SPOCK1: variants seen among roughly 807,000 people sequenced by gnomAD.
SPOCK1 encodes SPARC (osteonectin), cwcv and kazal like domains proteoglycan 1.
Under a neutral mutation model 55.3 loss-of-function variants are expected in SPOCK1, and 23 were observed. The observed-to-expected ratio is 0.42, with a 90% CI of 0.30 to 0.59. SPOCK1 has a LOEUF of 0.59. Among genes scored for constraint, SPOCK1 ranks in the 20% least tolerant of loss-of-function variants. SPOCK1 has a pLI of 0.22. For synonymous variants in SPOCK1, 226 were observed against 221.0 expected (o/e 1.02, Z -0.20); for missense variants, 499 against 552.5 (o/e 0.90, Z 0.97).
chr5:137,175,546 A>G (rs1263034200), intron 3 of SPOCK1, among the ~76,000 whole-genome samples: 1 of 152,230 alleles, frequency 6.6e-6, no homozygotes, highest in Admixed American at 6.5e-5. Flanking sequence ...TTGTCAGTCA[A>G]TATAGCTTAC....
chr5:137,444,709 C>G (rs183574523), intron 2 of SPOCK1, among the ~76,000 whole-genome samples: 3 of 152,310 alleles, frequency 2.0e-5, no homozygotes, highest in Admixed American at 2.0e-4. Context: ...TGGGGACCTG[C>G]GGAGAATCTA....
intron 2 of SPOCK1, among the ~76,000 whole-genome samples, chr5:137,491,437 G>T (rs192137447): frequency 7.3e-4 from 111 of 152,258 alleles, no homozygotes; most frequent in Non-Finnish European, 1.4e-3. Flanking sequence ...ACAGCCCTCT[G>T]CAGTGAACCC....
chr5:137,118,724 C>A (rs759181494), intron 4 of SPOCK1, among the ~76,000 whole-genome samples: 4 of 152,172 alleles, frequency 2.6e-5, no homozygotes, highest in Non-Finnish European at 5.9e-5. Flanking sequence ...GGGAAAGTAG[C>A]TGCTAAAAAC....
At position 137,360,751 on chromosome 5, in the gene SPOCK1, G is replaced by T. The variant is rs75357678; in HGVS notation, c.187-93696C>A. Among the ~76,000 whole-genome samples the T allele has an allele frequency of 5.1e-3, 782 of 152,294 alleles. 6 individuals carry two copies. The highest frequency in any genetic ancestry group is 0.018 in the African/African-American group (740 of 41,552). On this transcript the variant is annotated intron_variant, in intron 2 of 10. Coordinates refer to ENST00000394945, the MANE Select transcript of SPOCK1 (RefSeq NM_004598.4). The stretch of plus-strand genomic sequence containing the variant: ...TCAGAAGACTGTCTACCATCCCAAA[G>T]AAAGCTGGTAGATCAGGGTTTCTCA...
At chr5:137,147,718 G>C (rs1754225357) in intron 3 of SPOCK1, among the ~76,000 whole-genome samples, 1 of 152,168 alleles carries the variant, frequency 6.6e-6, no homozygotes. Flanking sequence ...GACATCCTAG[G>C]AATTGGAGCT....
At chr5:137,232,423 G>C (rs534799234) in intron 3 of SPOCK1, among the ~76,000 whole-genome samples, 11 of 152,148 alleles carry the variant, frequency 7.2e-5, no homozygotes, top group Non-Finnish European at 1.2e-4. Flanking sequence ...AGCTGCTCCC[G>C]CATCACTTAT....
chr5:137,018,340 C>G (rs1751491458), intron 6 of SPOCK1, among the ~76,000 whole-genome samples: 1 of 152,190 alleles, frequency 6.6e-6, no homozygotes, highest in Non-Finnish European at 1.5e-5. Flanking sequence ...GTCTAAACCT[C>G]AGGACTCTGG....
chr5:137,096,098 G>A (rs1753140672), intron 5 of SPOCK1, among the ~76,000 whole-genome samples: 1 of 152,136 alleles, frequency 6.6e-6, no homozygotes, highest in Non-Finnish European at 1.5e-5. Context: ...TTGTTTGTAG[G>A]ATATGATAAT....
At chr5:137,143,024 C>A (rs1370199527) in intron 3 of SPOCK1, among the ~76,000 whole-genome samples, 1 of 152,214 alleles carries the variant, frequency 6.6e-6, no homozygotes, top group African/African-American at 2.4e-5. Flanking sequence ...GCTTGAACAG[C>A]TTAGCAGGAC....
intron 4 of SPOCK1, among the ~76,000 whole-genome samples, chr5:137,121,492 TCA>T: frequency 6.6e-6 from 1 of 151,310 alleles, no homozygotes; most frequent in South Asian, 2.1e-4. Flanking sequence ...CTCTGGTGAT[TCA>T]CACACTTTGG....
intron 3 of SPOCK1, among the ~76,000 whole-genome samples, chr5:137,178,180 T>C (rs17720840): frequency 0.13 from 19,291 of 152,194 alleles, 1,409 homozygotes; most frequent in East Asian, 0.22. Flanking sequence ...GCCCTAAAAT[T>C]GGCCAATACA....
At chr5:137,147,598 C>T (rs1228974017) in intron 3 of SPOCK1, among the ~76,000 whole-genome samples, 1 of 152,132 alleles carries the variant, frequency 6.6e-6, no homozygotes, top group East Asian at 1.9e-4. Flanking sequence ...GAGAGCCAGC[C>T]CTCTCTCGTG....
chr5:137,455,810 C>T (rs1371159983), intron 2 of SPOCK1, among the ~76,000 whole-genome samples: 1 of 152,072 alleles, frequency 6.6e-6, no homozygotes, highest in Non-Finnish European at 1.5e-5. Context: ...GGGAGGATCG[C>T]TTGAGCCCAA....
At chr5:137,460,861 G>A (rs575211667) in intron 2 of SPOCK1, among the ~76,000 whole-genome samples, 7 of 152,118 alleles carry the variant, frequency 4.6e-5, no homozygotes, top group East Asian at 3.9e-4. Context: ...GGGCCTCTGC[G>A]TTGCTGCTCC....
chr5:137,063,239 C>CAAA lies in SPOCK1; in HGVS notation c.589+4473_589+4475dup, dbSNP rs34720226. Among the ~76,000 whole-genome samples the CAAA allele has an allele frequency of 2.6e-4, 26 of 100,270 alleles. 1 individual carries two copies. Among genetic ancestry groups the CAAA allele is most frequent in the East Asian group, 8.7e-4 (3 of 3,462 alleles). 65.8% of individuals were successfully genotyped at this position (100,270 alleles called of 152,430 possible). On this transcript the variant is annotated intron_variant, in intron 6 of 10. Coordinates refer to ENST00000394945, the MANE Select transcript of SPOCK1 (RefSeq NM_004598.4). ...TGGGCGACAGAGCGAGACTCCATCT[C>CAAA]AAAAAAAAAAAAAAAAAAGAAAGAA...
At chr5:137,082,631 G>C (rs989467605) in intron 5 of SPOCK1, among the ~76,000 whole-genome samples, 11 of 152,206 alleles carry the variant, frequency 7.2e-5, no homozygotes, top group Non-Finnish European at 1.6e-4. Flanking sequence ...GAAGCAGTTG[G>C]CACAACTTTT....
At chr5:137,186,541 A>C (rs116430333) in intron 3 of SPOCK1, among the ~76,000 whole-genome samples, 6 of 152,362 alleles carry the variant, frequency 3.9e-5, no homozygotes, top group African/African-American at 1.4e-4. Context: ...CTAGCTTCAC[A>C]AGGCAATGGG....
chr5:137,280,106 C>T (rs1757139138), intron 2 of SPOCK1, among the ~76,000 whole-genome samples: 1 of 152,158 alleles, frequency 6.6e-6, no homozygotes, highest in African/African-American at 2.4e-5. Context: ...AGGTCACACT[C>T]TAGTTTGCAG....
chr5:137,274,094 T>C lies in SPOCK1; in HGVS notation c.187-7039A>G, dbSNP rs939267611. Among the ~76,000 whole-genome samples the C allele has an allele frequency of 8.5e-5, 13 of 152,154 alleles. 1 individual carries two copies. Among genetic ancestry groups the C allele is most frequent in the African/African-American group, 2.4e-5 (1 of 41,452 alleles). On this transcript the variant is annotated intron_variant, in intron 2 of 10. Transcript: ENST00000394945. ...AAGGGAAAGAACTGAGTCTGAGGTT[T>C]ATTCCCCAAAATATGCCCTGTGTTT...
Sources: allele counts gnomAD v4.1 joint callset (sites outside exome capture counted in the v4.1 genomes callset), GRCh38; gene constraint gnomAD v4.1.1; transcripts MANE v1.5; gene names NCBI Gene and HGNC (gene_info 2026-07-23, HGNC 2026-07-21).